CSPG5: variants seen among roughly 807,000 people sequenced by gnomAD.
The protein encoded by CSPG5 is chondroitin sulfate proteoglycan 5.
A neutral mutation model predicts 39.8 loss-of-function variants in CSPG5; 25 were observed. That is an observed-to-expected ratio of 0.63 (90% CI 0.46 to 0.88). CSPG5 has a LOEUF of 0.88. Among genes scored for constraint, CSPG5 ranks in the 40% least tolerant of loss-of-function variants. The probability of loss-of-function intolerance (pLI) is 0.00; values close to 1 mark genes in which losing one functional copy is unlikely to be tolerated. For synonymous variants in CSPG5, 295 were observed against 303.9 expected (o/e 0.97, Z 0.31); for missense variants, 627 against 702.2 (o/e 0.89, Z 1.21).
Position 47,577,334 on chromosome 3 carries a change from GA to G in CSPG5, c.691del (p.Ser231HisfsTer59), listed in dbSNP as rs2031789259. ...AGGGTGGTTCTCTGAGGTTCCTGGTGACCCTGGGAAGCTCCCCAGATCTGCG... is the reference window on the plus strand; with the variant it reads ...AGGGTGGTTCTCTGAGGTTCCTGGTGCCCTGGGAAGCTCCCCAGATCTGCG... ...RGADLGSFPG[S>X]PGTSENHPDT... On this transcript the variant is annotated frameshift_variant, in exon 2 of 5. Coordinates refer to ENST00000264723, the MANE Select transcript of CSPG5 (RefSeq NM_006574.4). LOFTEE classifies it high-confidence loss of function. The surrounding 1 kb of genome is among the most constrained non-coding windows in gnomAD (Gnocchi z 4.7). 1 of 1,613,824 alleles carries G rather than the reference GA, an allele frequency of 6.2e-7. No homozygotes were observed. Among genetic ancestry groups the G allele is most frequent in the African/African-American group, 1.3e-5 (1 of 74,900 alleles).
At chr3:47,565,289 C>T (rs1390322366) in intron 4 of CSPG5, among the ~76,000 whole-genome samples, 1 of 152,092 alleles carries the variant, frequency 6.6e-6, no homozygotes, top group Non-Finnish European at 1.5e-5. Context: ...GCAAACAGTG[C>T]TATTAGACAA....
In CSPG5 at chr3:47,578,121, A is replaced by C; in HGVS notation, c.98-193T>G. Reference sequence around the variant, plus strand: ...CCCCGTCCCGGAGTCTGCCCCCAAGACGAGGATCACACCCCGCCCAACGCC... The same window carrying C: ...CCCCGTCCCGGAGTCTGCCCCCAAGCCGAGGATCACACCCCGCCCAACGCC... On this transcript the variant is annotated intron_variant, in intron 1 of 4. Transcript: ENST00000264723. This position sits in a 1 kb window ranked among gnomAD's most constrained non-coding sequence, Gnocchi z 6.0. 1.2e-6 allele frequency: 1 copy of C among 839,432 alleles called. No homozygotes were observed. Among genetic ancestry groups the C allele is most frequent in the Non-Finnish European group, 1.6e-6 (1 of 625,660 alleles). 52.0% of individuals were successfully genotyped at this position (839,432 alleles called of 1,614,324 possible).
chr3:47,573,019 A>G, intron 2 of CSPG5, 145 bp from the exon 3 acceptor site: 1 of 630,800 alleles, frequency 1.6e-6, no homozygotes, highest in South Asian at 2.5e-5. Context: ...ATCTGCACAG[A>G]CCTCAGAGCT....
At position 47,576,959 on chromosome 3, in the gene CSPG5, C is replaced by T; in HGVS notation, c.1067G>A (p.Gly356Asp). 6.2e-7 allele frequency: 1 copy of T among 1,613,786 alleles called. No individual in the cohort carries two copies. The highest frequency in any genetic ancestry group is 2.2e-5 in the East Asian group (1 of 44,876). The change falls in exon 2 of 5, where the codon GGC (glycine) becomes GAC (aspartate). Residue 356 changes from glycine to aspartate, a missense_variant. Coordinates refer to ENST00000264723, the MANE Select transcript of CSPG5 (RefSeq NM_006574.4). Reference sequence around the variant, plus strand: ...CACAAAGCCACTGCGGCACTCAGTGCCATTTTCACTGGAGGCCAAGTCCCT... The same window carrying T: ...CACAAAGCCACTGCGGCACTCAGTGTCATTTTCACTGGAGGCCAAGTCCCT... ...PGRDLASSENGTECRSGFVRH... is the reference protein window; with the variant it reads ...PGRDLASSENDTECRSGFVRH...
chr3:47,575,849 A>C (rs1052470926), intron 2 of CSPG5, among the ~76,000 whole-genome samples: 1 of 151,156 alleles, frequency 6.6e-6, no homozygotes, highest in Non-Finnish European at 1.5e-5. Context: ...CCCTCTCACC[A>C]GTACCACCAG....
At chr3:47,568,567 T>C (rs561098582) in intron 4 of CSPG5, among the ~76,000 whole-genome samples, 2 of 152,298 alleles carry the variant, frequency 1.3e-5, no homozygotes, top group African/African-American at 4.8e-5. Context: ...CAGAAGTCTT[T>C]CCACCCATCC....
intron 2 of CSPG5, among the ~76,000 whole-genome samples, chr3:47,574,715 A>G (rs889924142): frequency 2.0e-5 from 3 of 151,886 alleles, no homozygotes; most frequent in Middle Eastern, 3.4e-3. Context: ...CAAGGAGGGC[A>G]GATCATGAGG....
In CSPG5 at chr3:47,577,796, G is replaced by A; in HGVS notation, c.230C>T (p.Ala77Val). 1.3e-6 allele frequency: 2 copies of A among 1,583,918 alleles called. No individual in the cohort carries two copies. The highest frequency in any genetic ancestry group is 1.7e-6 in the Non-Finnish European group (2 of 1,173,536). The change falls in exon 2 of 5, where the codon GCG becomes GTG. Residue 77 changes from alanine to valine, a missense_variant. Physicochemically the swap from Ala to Val is moderately conservative, Grantham distance 64. Coordinates refer to ENST00000264723, the MANE Select transcript of CSPG5 (RefSeq NM_006574.4). This position sits in a 1 kb window ranked among gnomAD's most constrained non-coding sequence, Gnocchi z 4.7. ...AAGEDEASWT[A>V]PGGELAGPEE... ...TGGCCCGGCCAGCTCGCCACCGGGC[G>A]CCGTCCACGACGCCTCATCTTCCCC...
chr3:47,569,126 C>A lies in CSPG5; in HGVS notation c.1458+26G>T, dbSNP rs368019591. Reference sequence around the variant, plus strand: ...GGCACGGGCATGGGGGGAGGAGGTACGGGGAGTGTTGCAAAGTTTCCTTAC... The same window carrying A: ...GGCACGGGCATGGGGGGAGGAGGTAAGGGGAGTGTTGCAAAGTTTCCTTAC... On this transcript the variant is annotated intron_variant, in intron 4 of 4. Coordinates refer to ENST00000264723, the MANE Select transcript of CSPG5 (RefSeq NM_006574.4). The A allele has an allele frequency of 9.4e-6, 15 of 1,599,338 alleles. No homozygotes were observed. The Admixed American group carries it at 1.9e-4, about 20-fold the overall frequency.
intron 4 of CSPG5, among the ~76,000 whole-genome samples, chr3:47,565,163 C>T (rs2108187832): frequency 6.6e-6 from 1 of 152,176 alleles, no homozygotes; most frequent in South Asian, 2.1e-4. Flanking sequence ...GCTCTGATGC[C>T]ATGAAGGTGG....
Position 47,577,993 on chromosome 3 carries a change from C to T in CSPG5, c.98-65G>A. The T allele has an allele frequency of 2.2e-6, 3 of 1,364,048 alleles. No individual in the cohort carries two copies. The highest frequency in any genetic ancestry group is 2.8e-6 in the Non-Finnish European group (3 of 1,067,240). The allele number at this position is 1,364,048 out of a possible 1,614,324, so 84.5% of individuals were successfully genotyped here. On this transcript the variant is annotated intron_variant, in intron 1 of 4. Coordinates refer to ENST00000264723, the MANE Select transcript of CSPG5 (RefSeq NM_006574.4). The surrounding 1 kb of genome is among the most constrained non-coding windows in gnomAD (Gnocchi z 4.7). ...GCGCTGAGGAGCCCTGGAGCCCCGG[C>T]CCGCCCCGGTCAGGCCCGCTCGCCT...
intron 2 of CSPG5, among the ~76,000 whole-genome samples, chr3:47,573,992 C>G (rs1214007176): frequency 6.6e-6 from 1 of 152,162 alleles, no homozygotes; most frequent in Non-Finnish European, 1.5e-5. Context: ...AGTCTGCAAC[C>G]AACGGCTCAG....
intron 4 of CSPG5, 133 bp from the exon 5 acceptor site, chr3:47,562,894 A>C: frequency 1.1e-6 from 1 of 939,856 alleles, no homozygotes; most frequent in Non-Finnish European, 1.5e-6. Flanking sequence ...AATGAACTAA[A>C]AGGAACCAAA....
In CSPG5 at chr3:47,578,673, C is replaced by T; in HGVS notation, c.21G>A (p.Gly7=). MGRAGG[G]GPGRGPPPLL... The stretch of plus-strand genomic sequence containing the variant: ...GTGGCGGCGGCCCCCGGCCCGGGCC[C>T]CCGCCCCCGGCTCGCCCCATGGCGC... The change falls in exon 1 of 5, where the codon GGG becomes GGA. Residue 7 remains glycine, a synonymous_variant. Transcript: ENST00000264723. This position sits in a 1 kb window ranked among gnomAD's most constrained non-coding sequence, Gnocchi z 6.0. The T allele has an allele frequency of 9.3e-7, 1 of 1,078,706 alleles. No homozygotes were observed. The highest frequency in any genetic ancestry group is 1.1e-6 in the Non-Finnish European group (1 of 882,212). The allele number at this position is 1,078,706 out of a possible 1,614,324, so 66.8% of individuals were successfully genotyped here.
In CSPG5 at chr3:47,576,505, C is replaced by A. The variant is rs1697405465; in HGVS notation, c.1193+328G>T. 4.0e-5 allele frequency among the ~76,000 whole-genome samples: 6 copies of A among 148,948 alleles called. No individual in the cohort carries two copies. In the Admixed American group the frequency reaches 4.1e-4, roughly 10 times the overall value. On this transcript the variant is annotated intron_variant, in intron 2 of 4. Coordinates refer to ENST00000264723, the MANE Select transcript of CSPG5 (RefSeq NM_006574.4). ...ATGGAGTTTCACTTTGTCACCCAGGCTGGAGGGCAGTGGCACGATCTTGGC... is the reference window on the plus strand; with the variant it reads ...ATGGAGTTTCACTTTGTCACCCAGGATGGAGGGCAGTGGCACGATCTTGGC...
rs541517526 is a variant in CSPG5 at position 47,569,591 on chromosome 3, G to A, written c.1383-364C>T. The stretch of plus-strand genomic sequence containing the variant: ...TGCACTCCAGCCTGGCTGACAGAGC[G>A]AGACTCCATCTCAAAAAAAAAAAAA... On this transcript the variant is annotated intron_variant, in intron 3 of 4. Transcript: ENST00000264723. Among the ~76,000 whole-genome samples, 45 of 150,230 alleles carry A rather than the reference G, an allele frequency of 3.0e-4. No homozygotes were observed. In the South Asian group the frequency reaches 6.5e-3, roughly 22 times the overall value.
Position 47,578,157 on chromosome 3 carries a change from G to T in CSPG5, c.98-229C>A. ...ACCCCGCCCAACGCCTCGCGGCTCG[G>T]CCCCGCCCGACCTGCCCCGCCGTCT... On this transcript the variant is annotated intron_variant, in intron 1 of 4. Coordinates refer to ENST00000264723, the MANE Select transcript of CSPG5 (RefSeq NM_006574.4). This position sits in a 1 kb window ranked among gnomAD's most constrained non-coding sequence, Gnocchi z 6.0. 1.5e-6 allele frequency: 1 copy of T among 647,356 alleles called. No individual in the cohort carries two copies. The highest frequency in any genetic ancestry group is 2.2e-6 in the Non-Finnish European group (1 of 453,830). The allele number at this position is 647,356 out of a possible 1,614,324, so 40.1% of individuals were successfully genotyped here. A position where few individuals can be genotyped will look rare whatever the true frequency, so the allele number is the denominator to read the frequency against.
In CSPG5 at chr3:47,578,656, G is replaced by T; in HGVS notation, c.38C>A (p.Pro13Gln). 1 of 1,116,078 alleles carries T rather than the reference G, an allele frequency of 9.0e-7. No homozygotes were observed. The highest frequency in any genetic ancestry group is 1.1e-6 in the Non-Finnish European group (1 of 911,110). 69.1% of individuals were successfully genotyped at this position (1,116,078 alleles called of 1,614,324 possible). ...CCCCAGAAACAGCAGCAGTGGCGGCGGCCCCCGGCCCGGGCCCCCGCCCCC... is the reference window on the plus strand; with the variant it reads ...CCCCAGAAACAGCAGCAGTGGCGGCTGCCCCCGGCCCGGGCCCCCGCCCCC... ...RAGGGGPGRG[P>Q]PPLLLFLGAA... Residue 13 changes from proline (P) to glutamine (Q), a missense_variant, in exon 1 of 5, where the codon CCG becomes CAG. Physicochemically the swap from Pro to Gln is moderately conservative, Grantham distance 76. Coordinates refer to ENST00000264723, the MANE Select transcript of CSPG5 (RefSeq NM_006574.4). This position sits in a 1 kb window ranked among gnomAD's most constrained non-coding sequence, Gnocchi z 6.0.
intron 3 of CSPG5, among the ~76,000 whole-genome samples, chr3:47,569,559 G>A (rs368956474): frequency 6.6e-6 from 1 of 151,554 alleles, no homozygotes; most frequent in African/African-American, 2.4e-5. Flanking sequence ...AGCCAAGATC[G>A]TGCCACTGCA....
Sources: allele counts gnomAD v4.1 joint callset (sites outside exome capture counted in the v4.1 genomes callset), GRCh38; gene constraint gnomAD v4.1.1; non-coding constraint Gnocchi (gnomAD v3.1); transcripts MANE v1.5; gene names NCBI Gene and HGNC (gene_info 2026-07-23, HGNC 2026-07-21).